The following EYS variants were observed in gnomAD, a reference collection of about 807,000 sequenced individuals.
EYS encodes protein eyes shut homolog.
EYS carries 250 observed loss-of-function variants against 282.1 expected under a neutral mutation model. The observed-to-expected ratio is 0.89, with a 90% CI of 0.80 to 0.98. The LOEUF (loss-of-function observed/expected upper bound fraction) is 0.98. Ranked by LOEUF, EYS falls within the 50% of genes least tolerant of loss-of-function variation. The probability of loss-of-function intolerance (pLI) is 0.00; values close to 1 mark genes in which losing one functional copy is unlikely to be tolerated. For synonymous variants in EYS, 1,355 were observed against 1,282.9 expected (o/e 1.06, Z -1.20); for missense variants, 4,016 against 3,709.0 (o/e 1.08, Z -2.15).
intron 12 of EYS, among the ~76,000 whole-genome samples, chr6:65,176,352 A>G (rs1459745395): frequency 6.6e-6 from 1 of 151,658 alleles, no homozygotes; most frequent in Admixed American, 6.6e-5. Context: ...TGTAGAAGTC[A>G]GGAAGGAGCT....
chr6:64,327,083 C>T lies in EYS; in HGVS notation c.6079-20001G>A, dbSNP rs576077495. Among the ~76,000 whole-genome samples the T allele has an allele frequency of 5.3e-5, 8 of 152,104 alleles. No individual in the cohort carries two copies. In the East Asian group the frequency reaches 1.2e-3, roughly 22 times the overall value. ...TGTGAAAGTGTGTGGAAGAGAGTCT[C>T]GGGAGAGACCATCATGGGGCGTGAT... On this transcript the variant is annotated intron_variant, in intron 29 of 42. Coordinates refer to ENST00000503581, the MANE Select transcript of EYS (RefSeq NM_001142800.2).
At chr6:64,528,458 G>A (rs1777995367) in intron 26 of EYS, among the ~76,000 whole-genome samples, 1 of 151,758 alleles carries the variant, frequency 6.6e-6, no homozygotes, top group Admixed American at 6.6e-5. Flanking sequence ...CTAGTAGGGG[G>A]CTCTGTCCAG....
chr6:63,912,595 T>A (rs1581968539), intron 35 of EYS, among the ~76,000 whole-genome samples: 1 of 152,314 alleles, frequency 6.6e-6, no homozygotes, highest in East Asian at 1.9e-4. Flanking sequence ...TTTAGATGTG[T>A]GTCCCTGCCA....
At chr6:64,428,681 A>G (rs1001638845) in intron 28 of EYS, among the ~76,000 whole-genome samples, 2 of 152,168 alleles carry the variant, frequency 1.3e-5, no homozygotes, top group African/African-American at 4.8e-5. Flanking sequence ...CCATTATCCA[A>G]TTCTTACTAA....
chr6:65,531,297 C>T (rs1314631039), intron 2 of EYS, among the ~76,000 whole-genome samples: 1 of 152,078 alleles, frequency 6.6e-6, no homozygotes, highest in African/African-American at 2.4e-5. Flanking sequence ...ATGTTAACAT[C>T]ATTGTATTTG....
At chr6:65,201,277 A>G (rs1765893704) in intron 12 of EYS, among the ~76,000 whole-genome samples, 1 of 152,176 alleles carries the variant, frequency 6.6e-6, no homozygotes, top group African/African-American at 2.4e-5. Context: ...CAAATTATTG[A>G]CTTAGTATGT....
chr6:65,120,144 T>G (rs1344340982), intron 12 of EYS, among the ~76,000 whole-genome samples: 1 of 107,416 alleles, frequency 9.3e-6, no homozygotes, highest in African/African-American at 4.0e-5. Flanking sequence ...AGAGCGAGAC[T>G]CCGTCTCAAA....
chr6:64,739,757 C>T (rs773475614), intron 22 of EYS, among the ~76,000 whole-genome samples: 19 of 152,062 alleles, frequency 1.2e-4, no homozygotes, highest in Non-Finnish European at 2.2e-4. Flanking sequence ...TACCGACATT[C>T]CTTCAAATTC....
At chr6:64,548,862 G>A (rs1223216192) in intron 26 of EYS, among the ~76,000 whole-genome samples, 1 of 152,048 alleles carries the variant, frequency 6.6e-6, no homozygotes, top group African/African-American at 2.4e-5. Flanking sequence ...CTAAGGCAGA[G>A]TAAGAGGAGA....
At chr6:63,961,485 C>G (rs1446734050) in intron 35 of EYS, among the ~76,000 whole-genome samples, 1 of 152,074 alleles carries the variant, frequency 6.6e-6, no homozygotes, top group Non-Finnish European at 1.5e-5. Flanking sequence ...ACTACCCACC[C>G]AAATCCTATA....
chr6:64,975,916 T>TA (rs35101846), intron 14 of EYS, among the ~76,000 whole-genome samples: 13 of 151,970 alleles, frequency 8.6e-5, no homozygotes, highest in South Asian at 8.3e-4. Flanking sequence ...GTGATTTTTT[T>TA]AAAAAAAGCT....
chr6:64,283,732 T>G (rs1768394049), intron 30 of EYS, among the ~76,000 whole-genome samples: 1 of 152,228 alleles, frequency 6.6e-6, no homozygotes, highest in East Asian at 1.9e-4. Context: ...TTTATTGGAT[T>G]TACAGTTCCA....
chr6:64,609,146 AGGGAT>A (rs755182253), intron 24 of EYS, among the ~76,000 whole-genome samples: 5 of 152,176 alleles, frequency 3.3e-5, no homozygotes, highest in Non-Finnish European at 7.3e-5. Context: ...GCATGTGTGT[AGGGAT>A]GGGTATATGA....
At chr6:65,695,442 T>C (rs566628930) in intron 1 of EYS, among the ~76,000 whole-genome samples, 1 of 152,220 alleles carries the variant, frequency 6.6e-6, no homozygotes, top group African/African-American at 2.4e-5. Context: ...ACTGCATTTA[T>C]TGAATTTTAA....
chr6:65,232,970 G>A (rs1392096015), intron 12 of EYS, among the ~76,000 whole-genome samples: 1 of 152,024 alleles, frequency 6.6e-6, no homozygotes, highest in Non-Finnish European at 1.5e-5. Flanking sequence ...AGTACTATTA[G>A]TCTGCTCCTG....
intron 26 of EYS, among the ~76,000 whole-genome samples, chr6:64,464,403 G>C (rs1317106681): frequency 6.6e-6 from 1 of 152,080 alleles, no homozygotes; most frequent in Non-Finnish European, 1.5e-5. Context: ...CAAGACTAGG[G>C]TGCTTTACAT....
At position 64,673,422 on chromosome 6, in the gene EYS, G is replaced by A. The variant is rs538349165; in HGVS notation, c.3444-47177C>T. Among the ~76,000 whole-genome samples the A allele has an allele frequency of 6.6e-5, 10 of 152,158 alleles. No homozygotes were observed. The South Asian group carries it at 2.1e-3, about 32-fold the overall frequency. On this transcript the variant is annotated intron_variant, in intron 22 of 42. Transcript: ENST00000503581. Reference sequence around the variant, plus strand: ...GAAGCAACATGTTCAATTACTATTTGAATACATTATCTCATTCTTTGCCCT... The same window carrying A: ...GAAGCAACATGTTCAATTACTATTTAAATACATTATCTCATTCTTTGCCCT...
chr6:64,039,978 A>T lies in EYS; in HGVS notation c.6725+26360T>A, dbSNP rs184710824. On this transcript the variant is annotated intron_variant, in intron 33 of 42. Transcript: ENST00000503581. ...AATATGTTCTTAGAAAGATAACCTCATAGCACTGAAATAGATGGAAAGAAG... is the reference window on the plus strand; with the variant it reads ...AATATGTTCTTAGAAAGATAACCTCTTAGCACTGAAATAGATGGAAAGAAG... Among the ~76,000 whole-genome samples, 5 of 152,332 alleles carry T rather than the reference A, an allele frequency of 3.3e-5. No individual in the cohort carries two copies. In the East Asian group the frequency reaches 7.7e-4, roughly 23 times the overall value.
intron 22 of EYS, among the ~76,000 whole-genome samples, chr6:64,668,019 G>A (rs982193628): frequency 6.6e-6 from 1 of 152,134 alleles, no homozygotes; most frequent in Non-Finnish European, 1.5e-5. Context: ...TTGGGCGTAA[G>A]AATTTGCATC....
Sources: allele counts gnomAD v4.1 joint callset (sites outside exome capture counted in the v4.1 genomes callset), GRCh38; gene constraint gnomAD v4.1.1; transcripts MANE v1.5; gene names NCBI Gene and HGNC (gene_info 2026-07-23, HGNC 2026-07-21).